Variants in CNTNAP5 observed in about 807,000 individuals in gnomAD.
CNTNAP5 encodes the protein contactin associated protein family member 5.
In CNTNAP5, 72 loss-of-function variants were observed where a neutral mutation model predicts 150.2. That is an observed-to-expected ratio of 0.48 (90% CI 0.40 to 0.58). The LOEUF is 0.58. CNTNAP5 is among the 20% of genes least tolerant of loss of function. The pLI, the probability that CNTNAP5 is intolerant of heterozygous loss-of-function variation, is 0.00. For synonymous variants in CNTNAP5, 672 were observed against 619.8 expected, an observed-to-expected ratio of 1.08 and a Z score of -1.25; for missense variants, 1,636 against 1,626.2, an observed-to-expected ratio of 1.01 and a Z score of -0.10.
chr2:124,506,717 C>G (rs536921092), intron 8 of CNTNAP5, among the ~76,000 whole-genome samples: 3 of 152,250 alleles, frequency 2.0e-5, no homozygotes, highest in African/African-American at 7.2e-5. Context: ...TATCAAGTGA[C>G]AGCAATATTT....
intron 3 of CNTNAP5, among the ~76,000 whole-genome samples, chr2:124,245,684 CAAAT>C (rs954055110): frequency 1.3e-5 from 2 of 148,968 alleles, no homozygotes; most frequent in East Asian, 2.0e-4. Context: ...TATATACACA[CAAAT>C]ATATATATAC....
At chr2:124,182,114 C>G (rs1248757095) in intron 1 of CNTNAP5, among the ~76,000 whole-genome samples, 1 of 152,140 alleles carries the variant, frequency 6.6e-6, no homozygotes, top group Non-Finnish European at 1.5e-5. Context: ...TAACTACTTA[C>G]AAATATAATT....
chr2:124,358,369 C>G (rs1034847509), intron 3 of CNTNAP5, among the ~76,000 whole-genome samples: 2 of 152,160 alleles, frequency 1.3e-5, no homozygotes, highest in African/African-American at 4.8e-5. Flanking sequence ...AGAGGGCATC[C>G]CTGTCTTGTG....
intron 1 of CNTNAP5, among the ~76,000 whole-genome samples, chr2:124,038,926 C>T (rs1681294046): frequency 6.6e-6 from 1 of 152,200 alleles, no homozygotes; most frequent in African/African-American, 2.4e-5. Context: ...ACTGGGTGTG[C>T]CCCACCTGCC....
At chr2:124,530,109 C>T (rs769540603) in intron 10 of CNTNAP5, among the ~76,000 whole-genome samples, 1 of 152,078 alleles carries the variant, frequency 6.6e-6, no homozygotes, top group African/African-American at 2.4e-5. Flanking sequence ...GCCAGAAGTT[C>T]GAGATCAGCC....
intron 3 of CNTNAP5, among the ~76,000 whole-genome samples, chr2:124,342,125 C>A (rs1689634119): frequency 6.6e-6 from 1 of 152,144 alleles, no homozygotes. Context: ...TGTTTTCTCT[C>A]TTCAGTCACT....
intron 3 of CNTNAP5, among the ~76,000 whole-genome samples, chr2:124,322,462 C>T (rs1476141501): frequency 6.6e-6 from 1 of 152,004 alleles, no homozygotes; most frequent in East Asian, 1.9e-4. Flanking sequence ...AGAAATTTTA[C>T]TACAGTCAAA....
chr2:124,138,676 G>T (rs565361280), intron 1 of CNTNAP5, among the ~76,000 whole-genome samples: 12 of 152,114 alleles, frequency 7.9e-5, no homozygotes, highest in African/African-American at 2.9e-4. Context: ...TTGGAGAATT[G>T]GTCCCCGAGT....
chr2:124,172,244 T>G (rs1684951479), intron 1 of CNTNAP5, among the ~76,000 whole-genome samples: 1 of 152,154 alleles, frequency 6.6e-6, no homozygotes, highest in Non-Finnish European at 1.5e-5. Flanking sequence ...CTAAAATATT[T>G]TTTATTTTTT....
chr2:124,287,612 A>G (rs574015773), intron 3 of CNTNAP5, among the ~76,000 whole-genome samples: 1 of 152,296 alleles, frequency 6.6e-6, no homozygotes, highest in Admixed American at 6.5e-5. Context: ...ATGTATCCAC[A>G]GATTTACCTA....
At chr2:124,025,962 G>T (rs1010018480) in intron 1 of CNTNAP5, among the ~76,000 whole-genome samples, 1 of 152,150 alleles carries the variant, frequency 6.6e-6, no homozygotes, top group Non-Finnish European at 1.5e-5. Flanking sequence ...AAGTTCAAGG[G>T]ATAAGGAAAG....
chr2:124,453,532 A>G (rs1429477391), intron 6 of CNTNAP5, among the ~76,000 whole-genome samples: 2 of 152,216 alleles, frequency 1.3e-5, no homozygotes, highest in African/African-American at 4.8e-5. Flanking sequence ...AGCCCAAAGA[A>G]CACCTGGGAA....
At chr2:124,571,894 AAG>A (rs1443625083) in intron 11 of CNTNAP5, among the ~76,000 whole-genome samples, 1 of 152,054 alleles carries the variant, frequency 6.6e-6, no homozygotes, top group Non-Finnish European at 1.5e-5. Context: ...AAAGCACAAT[AAG>A]GGGGAAAAAT....
At chr2:124,473,839 T>C (rs1216735945) in intron 6 of CNTNAP5, among the ~76,000 whole-genome samples, 1 of 152,036 alleles carries the variant, frequency 6.6e-6, no homozygotes, top group Non-Finnish European at 1.5e-5. Flanking sequence ...TAAAATAATA[T>C]ATCTATTAAA....
At chr2:124,825,775 A>G (rs968457133) in intron 19 of CNTNAP5, among the ~76,000 whole-genome samples, 1 of 152,140 alleles carries the variant, frequency 6.6e-6, no homozygotes, top group Non-Finnish European at 1.5e-5. Flanking sequence ...GCTGTACTAC[A>G]CCAAGCATTC....
At chr2:124,909,826 C>CT (rs1553454758) in intron 22 of CNTNAP5, among the ~76,000 whole-genome samples, 1 of 74,612 alleles carries the variant, frequency 1.3e-5, no homozygotes, top group Non-Finnish European at 2.5e-5. Context: ...CAATTGGTGA[C>CT]ATATATATAT....
At chr2:124,691,137 T>C (rs1035922549) in intron 13 of CNTNAP5, among the ~76,000 whole-genome samples, 20 of 152,226 alleles carry the variant, frequency 1.3e-4, no homozygotes, top group Admixed American at 1.1e-3. Context: ...GCAAACAGAC[T>C]GAGTTGGAAA....
intron 3 of CNTNAP5, among the ~76,000 whole-genome samples, chr2:124,295,675 C>T (rs1168572595): frequency 1.3e-5 from 1 of 76,098 alleles, no homozygotes; most frequent in Non-Finnish European, 2.7e-5. Context: ...AGAACGGCTA[C>T]TCCATAGGCA....
At chr2:124,169,079 A>C (rs1358673) in intron 1 of CNTNAP5, among the ~76,000 whole-genome samples, 147,325 of 152,102 alleles carry the variant, frequency 0.97, 71,524 homozygotes, top group East Asian at 1. Flanking sequence ...TTGTTTCTTG[A>C]TGCTGCTTCT....
Sources: gnomAD v4.1 joint callset for allele counts (sites outside exome capture counted in the v4.1 genomes callset) on GRCh38, gnomAD v4.1.1 for gene constraint, MANE v1.5 for transcripts, NCBI Gene and HGNC (gene_info 2026-07-23, HGNC 2026-07-21) for gene names.